Variants in EPHA5 observed in about 807,000 individuals in gnomAD.
The protein encoded by EPHA5 is EPH receptor A5.
EPHA5 carries 60 observed loss-of-function variants against 105.0 expected under a neutral mutation model. The ratio of observed to expected loss-of-function variants is 0.57; its 90% CI spans 0.46 to 0.71. The LOEUF (loss-of-function observed/expected upper bound fraction) is 0.71, where lower values mean the gene tolerates loss of function less well. Ranked by LOEUF, EPHA5 falls within the 30% of genes least tolerant of loss-of-function variation. The pLI, the probability that EPHA5 is intolerant of heterozygous loss-of-function variation, is 0.00. For synonymous variants in EPHA5, 513 were observed against 449.1 expected, an observed-to-expected ratio of 1.14 and a Z score of -1.80; for missense variants, 1,218 against 1,274.7, an observed-to-expected ratio of 0.96 and a Z score of 0.68.
intron 1 of EPHA5, among the ~76,000 whole-genome samples, chr4:65,652,727 G>T (rs1329642128): frequency 6.6e-6 from 1 of 152,008 alleles, no homozygotes; most frequent in Non-Finnish European, 1.5e-5. Flanking sequence ...TCACCATAAT[G>T]CTTCAATTTT....
At chr4:65,540,038 G>A (rs1345088572) in intron 3 of EPHA5, among the ~76,000 whole-genome samples, 1 of 151,364 alleles carries the variant, frequency 6.6e-6, no homozygotes, top group African/African-American at 2.4e-5. Flanking sequence ...TCTTCTACAA[G>A]GATGTTCTAT....
chr4:65,615,230 C>T (rs1484822809), intron 2 of EPHA5, among the ~76,000 whole-genome samples: 1 of 151,386 alleles, frequency 6.6e-6, no homozygotes, highest in Admixed American at 6.6e-5. Context: ...AAAAAAATGG[C>T]AGGTACAATA....
At chr4:65,623,243 A>T (rs1205714843) in intron 2 of EPHA5, among the ~76,000 whole-genome samples, 2 of 152,028 alleles carry the variant, frequency 1.3e-5, no homozygotes, top group African/African-American at 4.8e-5. Flanking sequence ...TACTACGGGG[A>T]TCACATTAAA....
intron 1 of EPHA5, among the ~76,000 whole-genome samples, chr4:65,661,753 C>T (rs184045427): frequency 4.6e-5 from 7 of 152,070 alleles, no homozygotes; most frequent in Non-Finnish European, 7.4e-5. Flanking sequence ...TGGTGCCAGC[C>T]GGATCTGCCT....
intron 9 of EPHA5, among the ~76,000 whole-genome samples, chr4:65,366,383 G>A (rs1717910131): frequency 6.6e-6 from 1 of 151,786 alleles, no homozygotes; most frequent in Admixed American, 6.6e-5. Context: ...TGCTTAATTT[G>A]CTGGTTTATT....
chr4:65,513,855 T>G (rs1449754967), intron 3 of EPHA5, among the ~76,000 whole-genome samples: 1 of 152,208 alleles, frequency 6.6e-6, no homozygotes, highest in Non-Finnish European at 1.5e-5. Context: ...TTTTTACACT[T>G]AACCTCCCAT....
chr4:65,586,806 T>C (rs1229238725), intron 3 of EPHA5, among the ~76,000 whole-genome samples: 1 of 152,080 alleles, frequency 6.6e-6, no homozygotes, highest in Admixed American at 6.6e-5. Context: ...GGTAAAGTTA[T>C]TGTAAGGATT....
chr4:65,386,211 T>A (rs917793071), intron 8 of EPHA5, among the ~76,000 whole-genome samples: 2 of 151,980 alleles, frequency 1.3e-5, no homozygotes, highest in African/African-American at 4.8e-5. Flanking sequence ...GTTCATGCAA[T>A]TTACAAAACA....
At chr4:65,372,761 T>C (rs1285412206) in intron 8 of EPHA5, among the ~76,000 whole-genome samples, 1 of 151,850 alleles carries the variant, frequency 6.6e-6, no homozygotes, top group Non-Finnish European at 1.5e-5. Flanking sequence ...AATTATATCT[T>C]ACTTGATGTT....
intron 2 of EPHA5, among the ~76,000 whole-genome samples, chr4:65,616,428 TACACAC>T (rs34942929): frequency 3.5e-5 from 5 of 143,640 alleles, no homozygotes; most frequent in South Asian, 2.3e-4. Context: ...ACTTAATGCA[TACACAC>T]ACACACACAC....
intron 3 of EPHA5, among the ~76,000 whole-genome samples, chr4:65,533,214 T>G (rs72642613): frequency 0.21 from 31,566 of 151,968 alleles, 3,357 homozygotes; most frequent in African/African-American, 0.22. Context: ...GTAGGCTTGC[T>G]GCTTAAGGCT....
At chr4:65,669,339 G>C (rs560428224) in intron 1 of EPHA5, 2 of 945,182 alleles carry the variant, frequency 2.1e-6, no homozygotes, top group African/African-American at 1.8e-5. Flanking sequence ...CTGTCCACAC[G>C]CATGTTCCTT....
chr4:65,616,938 CTG>C (rs1444956449), intron 2 of EPHA5, among the ~76,000 whole-genome samples: 3 of 152,034 alleles, frequency 2.0e-5, no homozygotes, highest in Admixed American at 6.6e-5. Flanking sequence ...TTTGTGAACT[CTG>C]TGAATATCTG....
chr4:65,624,811 G>T (rs112507926), intron 2 of EPHA5, among the ~76,000 whole-genome samples: 65 of 152,224 alleles, frequency 4.3e-4, no homozygotes, highest in African/African-American at 1.5e-3. Flanking sequence ...CCAGCTCTAT[G>T]ACTGTGTACA....
At chr4:65,372,515 T>C (rs1032627110) in intron 8 of EPHA5, among the ~76,000 whole-genome samples, 1 of 151,882 alleles carries the variant, frequency 6.6e-6, no homozygotes, top group Non-Finnish European at 1.5e-5. Context: ...CATTTTGGGT[T>C]CTTCATAGAT....
At chr4:65,559,861 T>C (rs932535171) in intron 3 of EPHA5, among the ~76,000 whole-genome samples, 4 of 152,168 alleles carry the variant, frequency 2.6e-5, no homozygotes, top group Admixed American at 1.3e-4. Context: ...TCGGACAGAA[T>C]AAAATGTCTC....
rs1224437877 is a variant in EPHA5 at position 65,320,543 on chromosome 4, G to T, written c.*3571C>A. 4.4e-6 allele frequency: 1 copy of T among 229,398 alleles called. No individual in the cohort carries two copies. Among genetic ancestry groups the T allele is most frequent in the Non-Finnish European group, 8.7e-6 (1 of 115,594 alleles). 14.2% of individuals were successfully genotyped at this position (229,398 alleles called of 1,614,324 possible). A position where few individuals can be genotyped will look rare whatever the true frequency, so the allele number is the denominator to read the frequency against. On this transcript the variant is annotated 3_prime_UTR_variant, in exon 17 of 17. Coordinates refer to ENST00000613740, the MANE Select transcript of EPHA5 (RefSeq NM_001281766.3). Reference sequence around the variant, plus strand: ...ATTTCTAACACCTGACTCAAATAGTGTTTGCCATCCAATGCACTTTTATAG... The same window carrying T: ...ATTTCTAACACCTGACTCAAATAGTTTTTGCCATCCAATGCACTTTTATAG...
intron 3 of EPHA5, among the ~76,000 whole-genome samples, chr4:65,522,844 T>G (rs1734886816): frequency 6.6e-6 from 1 of 151,996 alleles, no homozygotes; most frequent in Admixed American, 6.6e-5. Flanking sequence ...TCAATATCAC[T>G]TATACAACAG....
At chr4:65,532,389 A>C (rs977804381) in intron 3 of EPHA5, among the ~76,000 whole-genome samples, 2 of 151,944 alleles carry the variant, frequency 1.3e-5, no homozygotes, top group Non-Finnish European at 2.9e-5. Flanking sequence ...GTAATATTAT[A>C]ATCTCTAGTT....
Sources: gnomAD v4.1 joint callset for allele counts (sites outside exome capture counted in the v4.1 genomes callset) on GRCh38, gnomAD v4.1.1 for gene constraint, MANE v1.5 for transcripts, NCBI Gene and HGNC (gene_info 2026-07-23, HGNC 2026-07-21) for gene names.